The following EXOC6B variants were observed in gnomAD, a reference collection of about 807,000 sequenced individuals.
EXOC6B encodes exocyst complex component 6B, also known as SEC15 homolog B.
Under a neutral mutation model 113.5 loss-of-function variants are expected in EXOC6B, and 54 were observed. That is an observed-to-expected ratio of 0.48 (90% CI 0.38 to 0.60). The LOEUF (loss-of-function observed/expected upper bound fraction) is 0.60, where lower values mean the gene tolerates loss of function less well. EXOC6B is among the 20% of genes least tolerant of loss of function. The pLI, the probability that EXOC6B is intolerant of heterozygous loss-of-function variation, is 0.00. For synonymous variants in EXOC6B, 357 were observed against 339.0 expected, an observed-to-expected ratio of 1.05 and a Z score of -0.58; for missense variants, 797 against 977.5, an observed-to-expected ratio of 0.82 and a Z score of 2.46.
At chr2:72,653,924 AT>A (rs1265492664) in intron 6 of EXOC6B, among the ~76,000 whole-genome samples, 2 of 152,100 alleles carry the variant, frequency 1.3e-5, no homozygotes, top group Non-Finnish European at 2.9e-5. Flanking sequence ...CTGGTTTGGA[AT>A]AACCTTTGAT....
intron 20 of EXOC6B, among the ~76,000 whole-genome samples, chr2:72,320,859 A>C (rs1231101043): frequency 6.6e-6 from 1 of 152,226 alleles, no homozygotes; most frequent in African/African-American, 2.4e-5. Flanking sequence ...AACTGAATAA[A>C]ATATTTGAAC....
At chr2:72,357,226 T>C (rs1422709347) in intron 19 of EXOC6B, among the ~76,000 whole-genome samples, 1 of 152,238 alleles carries the variant, frequency 6.6e-6, no homozygotes, top group Non-Finnish European at 1.5e-5. Flanking sequence ...ATTGTTATAA[T>C]TGTTCTATTT....
At chr2:72,712,315 C>T (rs1331046256) in intron 6 of EXOC6B, among the ~76,000 whole-genome samples, 2 of 152,184 alleles carry the variant, frequency 1.3e-5, no homozygotes, top group African/African-American at 2.4e-5. Context: ...TAAAGCCACA[C>T]ACAATTACTG....
At chr2:72,634,305 G>A (rs1672682136) in intron 6 of EXOC6B, among the ~76,000 whole-genome samples, 1 of 152,146 alleles carries the variant, frequency 6.6e-6, no homozygotes, top group Non-Finnish European at 1.5e-5. Context: ...TGAAAAAACA[G>A]ACTTTCATTT....
At chr2:72,557,197 A>G (rs1174586151) in intron 8 of EXOC6B, among the ~76,000 whole-genome samples, 2 of 149,408 alleles carry the variant, frequency 1.3e-5, no homozygotes, top group Admixed American at 1.4e-4. Context: ...CATATATTAC[A>G]TATATTAGTG....
At position 72,586,507 on chromosome 2, in the gene EXOC6B, C is replaced by T. The variant is rs113586521; in HGVS notation, c.670-10839G>A. Among the ~76,000 whole-genome samples, 777 of 152,260 alleles carry T rather than the reference C, an allele frequency of 5.1e-3. 11 individuals carry two copies. Among genetic ancestry groups the T allele is most frequent in the African/African-American group, 0.017 (718 of 41,532 alleles). On this transcript the variant is annotated intron_variant, in intron 6 of 21. Transcript: ENST00000272427. ...GTGGCTCAAGCCTGTAATTCCAGCA[C>T]TTTGGGAGGCCGAGGTGGGCAGATC...
intron 8 of EXOC6B, among the ~76,000 whole-genome samples, chr2:72,524,159 A>C (rs13414789): frequency 0.023 from 3,499 of 151,762 alleles, 131 homozygotes; most frequent in African/African-American, 0.08. Flanking sequence ...TTAAAAAAAA[A>C]AAAAAAAAAA....
rs192408284 is a variant in EXOC6B, at chr2:72,437,589, G to A, written c.1980+27571C>T. Among the ~76,000 whole-genome samples, 8 of 152,270 alleles carry A rather than the reference G, an allele frequency of 5.3e-5. No homozygotes were observed. In the East Asian group the frequency reaches 1.4e-3, roughly 26 times the overall value. ...GGGCTGCTGCCTTTCTTTCAGAGACGCCCTGCCCAGAGAAGAGGAATCAAG... is the reference window on the plus strand; with the variant it reads ...GGGCTGCTGCCTTTCTTTCAGAGACACCCTGCCCAGAGAAGAGGAATCAAG... On this transcript the variant is annotated intron_variant, in intron 18 of 21. Coordinates refer to ENST00000272427, the MANE Select transcript of EXOC6B (RefSeq NM_015189.3).
intron 20 of EXOC6B, among the ~76,000 whole-genome samples, chr2:72,307,765 T>C (rs1686971418): frequency 6.6e-6 from 1 of 152,188 alleles, no homozygotes; most frequent in Admixed American, 6.5e-5. Flanking sequence ...AACATGATAC[T>C]GTATATAATG....
At chr2:72,502,703 A>G (rs1434595083) in intron 11 of EXOC6B, among the ~76,000 whole-genome samples, 1 of 152,182 alleles carries the variant, frequency 6.6e-6, no homozygotes, top group Non-Finnish European at 1.5e-5. Flanking sequence ...CACTCAATGT[A>G]TCCTTCCAAC....
intron 6 of EXOC6B, among the ~76,000 whole-genome samples, chr2:72,646,853 G>A (rs1673760023): frequency 6.6e-6 from 1 of 152,120 alleles, no homozygotes; most frequent in Non-Finnish European, 1.5e-5. Context: ...CATACTGAAT[G>A]GGCAAAAACT....
intron 20 of EXOC6B, among the ~76,000 whole-genome samples, chr2:72,276,398 T>C (rs945426924): frequency 1.3e-5 from 2 of 152,184 alleles, no homozygotes; most frequent in African/African-American, 4.8e-5. Flanking sequence ...AGGTGTTTTC[T>C]CCAGACAAGG....
At chr2:72,529,030 C>G (rs1363796913) in intron 8 of EXOC6B, among the ~76,000 whole-genome samples, 1 of 152,050 alleles carries the variant, frequency 6.6e-6, no homozygotes, top group East Asian at 1.9e-4. Flanking sequence ...TTCTGCATGC[C>G]CTTTATCTCC....
At chr2:72,257,749 G>A (rs1429503009) in intron 20 of EXOC6B, among the ~76,000 whole-genome samples, 1 of 151,998 alleles carries the variant, frequency 6.6e-6, no homozygotes, top group African/African-American at 2.4e-5. Context: ...ATTTTTTTCT[G>A]TTCATTTCAA....
At chr2:72,451,744 A>G (rs1028811895) in intron 18 of EXOC6B, among the ~76,000 whole-genome samples, 4 of 151,626 alleles carry the variant, frequency 2.6e-5, no homozygotes, top group South Asian at 2.1e-4. Context: ...AGTGGACTTC[A>G]TCTATCACCA....
At chr2:72,666,019 A>C (rs1406221783) in intron 6 of EXOC6B, among the ~76,000 whole-genome samples, 4 of 152,216 alleles carry the variant, frequency 2.6e-5, no homozygotes, top group African/African-American at 9.6e-5. Context: ...AATGGAAAAT[A>C]AAAAAGAGCA....
intron 11 of EXOC6B, among the ~76,000 whole-genome samples, chr2:72,502,523 G>A (rs962812285): frequency 6.6e-6 from 1 of 151,958 alleles, no homozygotes; most frequent in African/African-American, 2.4e-5. Context: ...ACCCCACCCC[G>A]GGCAACAAAG....
chr2:72,253,166 A>G (rs948378354), intron 20 of EXOC6B, among the ~76,000 whole-genome samples: 1 of 152,192 alleles, frequency 6.6e-6, no homozygotes, highest in Non-Finnish European at 1.5e-5. Context: ...TACCAGTCAC[A>G]ATGGCTATTA....
intron 6 of EXOC6B, among the ~76,000 whole-genome samples, chr2:72,700,729 C>A (rs960628655): frequency 6.6e-6 from 1 of 152,132 alleles, no homozygotes; most frequent in Non-Finnish European, 1.5e-5. Context: ...TTTGGGAGAC[C>A]GAAGCAGGCA....
Sources: gnomAD v4.1 joint callset for allele counts (sites outside exome capture counted in the v4.1 genomes callset) on GRCh38, gnomAD v4.1.1 for gene constraint, MANE v1.5 for transcripts, NCBI Gene and HGNC (gene_info 2026-07-23, HGNC 2026-07-21) for gene names.